The following SGPP2 variants were observed in gnomAD, a reference collection of about 807,000 sequenced individuals.
SGPP2 encodes sphingosine-1-phosphate phosphatase 2.
SGPP2 carries 30 observed loss-of-function variants against 33.9 expected under a neutral mutation model. The observed-to-expected ratio is 0.89, with a 90% CI of 0.66 to 1.20. The LOEUF (loss-of-function observed/expected upper bound fraction) is 1.20. SGPP2 is among the 50% of genes most tolerant of loss of function. The pLI, the probability that SGPP2 is intolerant of heterozygous loss-of-function variation, is 0.00. For synonymous variants in SGPP2, 233 were observed against 225.0 expected (o/e 1.04, Z -0.32); for missense variants, 458 against 532.1 (o/e 0.86, Z 1.37).
chr2:222,458,869 G>A (rs922680072), intron 1 of SGPP2, among the ~76,000 whole-genome samples: 2 of 152,086 alleles, frequency 1.3e-5, no homozygotes, highest in Admixed American at 6.5e-5. Flanking sequence ...GAGGGCTTTC[G>A]TACTTTTAAA....
At chr2:222,539,272 A>G (rs578260210) in intron 4 of SGPP2, among the ~76,000 whole-genome samples, 1 of 152,370 alleles carries the variant, frequency 6.6e-6, no homozygotes, top group African/African-American at 2.4e-5. Flanking sequence ...CAGGGCAGCC[A>G]TTAAATCTTG....
At chr2:222,506,226 A>G (rs1972831) in intron 2 of SGPP2, among the ~76,000 whole-genome samples, 123,597 of 152,202 alleles carry the variant, frequency 0.81, 53,073 homozygotes, top group East Asian at 0.98. Context: ...ATTACATCAC[A>G]GTAAAAAGTG....
In SGPP2 at chr2:222,430,670, C is replaced by T. The variant is rs373570355; in HGVS notation, c.219+5849C>T. Among the ~76,000 whole-genome samples, 54 of 151,944 alleles carry T rather than the reference C, an allele frequency of 3.6e-4. 2 individuals are homozygous for T. The highest frequency in any genetic ancestry group is 2.5e-3 in the East Asian group (13 of 5,182). On this transcript the variant is annotated intron_variant, in intron 1 of 4. Transcript: ENST00000321276. ...CATAGTGACTTCCTTCCAAAAAGTG[C>T]GATATAGAAAGAGAAGGGGGAAAAA...
intron 1 of SGPP2, among the ~76,000 whole-genome samples, chr2:222,455,452 G>A (rs1697558526): frequency 1.3e-5 from 2 of 152,182 alleles, no homozygotes; most frequent in South Asian, 4.1e-4. Context: ...GAGGCAGTAA[G>A]CAACGGCCAG....
chr2:222,449,813 T>C (rs1697456600), intron 1 of SGPP2, among the ~76,000 whole-genome samples: 1 of 152,174 alleles, frequency 6.6e-6, no homozygotes, highest in Non-Finnish European at 1.5e-5. Context: ...CCAAGGGGAA[T>C]GTAGATCTGT....
chr2:222,506,549 A>G (rs1698448416), intron 2 of SGPP2, among the ~76,000 whole-genome samples: 1 of 152,220 alleles, frequency 6.6e-6, no homozygotes, highest in Non-Finnish European at 1.5e-5. Context: ...TTTTTAGCTT[A>G]GCTTACTTTA....
rs1283677110 is a variant in SGPP2 at position 222,560,629 on chromosome 2, G to T, written c.*1731G>T. On this transcript the variant is annotated 3_prime_UTR_variant, in exon 5 of 5. Coordinates refer to ENST00000321276, the MANE Select transcript of SGPP2 (RefSeq NM_152386.4). ...GTTTAGTGCCTGTAGGACTGAGCCA[G>T]TGCTTTATCAACCCAACACATCATC... is the stretch of plus-strand genomic sequence containing the variant. 2.6e-5 allele frequency: 4 copies of T among 152,148 alleles called. No homozygotes were observed. Among genetic ancestry groups the T allele is most frequent in the African/African-American group, 9.7e-5 (4 of 41,428 alleles). The allele number at this position is 152,148 out of a possible 1,614,324, so 9.4% of individuals were successfully genotyped here. A position where few individuals can be genotyped will look rare whatever the true frequency, so the allele number is the denominator to read the frequency against.
intron 1 of SGPP2, among the ~76,000 whole-genome samples, chr2:222,468,762 C>A (rs921040784): frequency 6.6e-6 from 1 of 152,192 alleles, no homozygotes; most frequent in Non-Finnish European, 1.5e-5. Flanking sequence ...TTTCTTCCAC[C>A]ATGCAGTCAA....
chr2:222,440,115 T>C (rs1697302309), intron 1 of SGPP2, among the ~76,000 whole-genome samples: 1 of 152,232 alleles, frequency 6.6e-6, no homozygotes, highest in Non-Finnish European at 1.5e-5. Context: ...TTATTTGTAC[T>C]TTCTGCACAA....
chr2:222,554,283 C>A (rs1388124184), intron 4 of SGPP2, among the ~76,000 whole-genome samples: 1 of 152,138 alleles, frequency 6.6e-6, no homozygotes, highest in East Asian at 1.9e-4. Flanking sequence ...CTGTTCTGCA[C>A]CTTGCTTTTT....
intron 2 of SGPP2, among the ~76,000 whole-genome samples, chr2:222,515,876 C>T (rs1698597225): frequency 6.6e-6 from 1 of 151,914 alleles, no homozygotes; most frequent in Non-Finnish European, 1.5e-5. Flanking sequence ...GGTGAAACCC[C>T]ATCTCTACTA....
At chr2:222,547,840 TTAAATGGTAAAATCA>T in intron 4 of SGPP2, among the ~76,000 whole-genome samples, 3 of 152,312 alleles carry the variant, frequency 2.0e-5, no homozygotes, top group Admixed American at 2.0e-4. Context: ...GGTATAATTT[TTAAATGGTAAAATCA>T]TAACTCCCTT....
At chr2:222,450,271 C>G (rs1180565947) in intron 1 of SGPP2, among the ~76,000 whole-genome samples, 1 of 152,212 alleles carries the variant, frequency 6.6e-6, no homozygotes, top group African/African-American at 2.4e-5. Context: ...TCCATCTTCT[C>G]ATTTGCACCA....
At chr2:222,507,440 C>A (rs1419020601) in intron 2 of SGPP2, among the ~76,000 whole-genome samples, 2 of 152,184 alleles carry the variant, frequency 1.3e-5, no homozygotes, top group African/African-American at 4.8e-5. Flanking sequence ...TGGCATGTGA[C>A]TAACATGTAT....
At chr2:222,466,293 C>A (rs1697744423) in intron 1 of SGPP2, among the ~76,000 whole-genome samples, 1 of 125,954 alleles carries the variant, frequency 7.9e-6, no homozygotes, top group Non-Finnish European at 1.6e-5. Context: ...GAGTCTCTCT[C>A]TGTCACCCAG....
chr2:222,437,809 CA>C (rs1697267190), intron 1 of SGPP2, among the ~76,000 whole-genome samples: 1 of 152,144 alleles, frequency 6.6e-6, no homozygotes, highest in Non-Finnish European at 1.5e-5. Flanking sequence ...AGCTGTCTCT[CA>C]AAAGGAGAGT....
intron 1 of SGPP2, among the ~76,000 whole-genome samples, chr2:222,435,252 C>T (rs559692596): frequency 1.3e-5 from 2 of 152,158 alleles, no homozygotes; most frequent in South Asian, 4.2e-4. Flanking sequence ...AAGATGTAGG[C>T]TGGGAAGTTA....
rs1307305096 is a variant in SGPP2 at position 222,550,459 on chromosome 2, T to C, written c.649-7888T>C. On this transcript the variant is annotated intron_variant, in intron 4 of 4. Transcript: ENST00000321276. The surrounding 1 kb of genome is among the most constrained non-coding windows in gnomAD (Gnocchi z 4.5). ...ATCTGTAATGTCACAACACAGAGAATAAATTACTCTTAACATTTTTATTTC... is the reference window on the plus strand; with the variant it reads ...ATCTGTAATGTCACAACACAGAGAACAAATTACTCTTAACATTTTTATTTC... Among the ~76,000 whole-genome samples, 1 of 152,184 alleles carries C rather than the reference T, an allele frequency of 6.6e-6. No individual in the cohort carries two copies. The highest frequency in any genetic ancestry group is 2.4e-5 in the African/African-American group (1 of 41,454).
At chr2:222,471,496 T>C (rs1010458018) in intron 1 of SGPP2, among the ~76,000 whole-genome samples, 2 of 152,090 alleles carry the variant, frequency 1.3e-5, no homozygotes, top group Non-Finnish European at 2.9e-5. Flanking sequence ...CCTTTAAAAA[T>C]TTATTCCCCC....
Sources: gnomAD v4.1 joint callset for allele counts (sites outside exome capture counted in the v4.1 genomes callset) on GRCh38, gnomAD v4.1.1 for gene constraint, Gnocchi (gnomAD v3.1) non-coding constraint, MANE v1.5 for transcripts, NCBI Gene and HGNC (gene_info 2026-07-23, HGNC 2026-07-21) for gene names.